Variants in RIMBP2 observed in about 807,000 individuals in gnomAD.
RIMBP2 encodes the protein RIMS-binding protein 2.
Under a neutral mutation model 118.6 loss-of-function variants are expected in RIMBP2, and 48 were observed. That is an observed-to-expected ratio of 0.40 (90% CI 0.32 to 0.51). The LOEUF is 0.51. Ranked by LOEUF, RIMBP2 falls within the 20% of genes least tolerant of loss-of-function variation. The pLI, the probability that RIMBP2 is intolerant of heterozygous loss-of-function variation, is 0.41. For synonymous variants in RIMBP2, 762 were observed against 742.9 expected, an observed-to-expected ratio of 1.03 and a Z score of -0.42; for missense variants, 1,551 against 1,768.3, an observed-to-expected ratio of 0.88 and a Z score of 2.20.
rs768011635 is a variant in RIMBP2 at position 130,414,319 on chromosome 12, G to T, written c.3239-13C>A. 5.1e-6 allele frequency: 8 copies of T among 1,569,448 alleles called. No homozygotes were observed. The highest frequency in any genetic ancestry group is 3.6e-5 in the Admixed American group (2 of 56,130). The stretch of plus-strand genomic sequence containing the variant: ...CGCCCGTAATCGTCTGCGAGCAAGT[G>T]GGGGTGAAGAACAGAGCGGCAGTGA... On this transcript the variant is annotated splice_polypyrimidine_tract_variant and intron_variant, in intron 17 of 22. Transcript: ENST00000690449.
rs2058089343 is a variant in RIMBP2 at position 130,576,452 on chromosome 12, T to C, written c.-217+51870A>G. Among the ~76,000 whole-genome samples, 1 of 152,124 alleles carries C rather than the reference T, an allele frequency of 6.6e-6. No individual in the cohort carries two copies. The highest frequency in any genetic ancestry group is 1.5e-5 in the Non-Finnish European group (1 of 68,010). On this transcript the variant is annotated intron_variant, in intron 2 of 22. Coordinates refer to ENST00000690449, the MANE Select transcript of RIMBP2 (RefSeq NM_001393629.1). This position sits in a 1 kb window ranked among gnomAD's most constrained non-coding sequence, Gnocchi z 4.2. Reference sequence around the variant, plus strand: ...GGCAGCTGGCAGGTGGCCAGCTGCATGCCGGCATCCAAGCTGTGCGGGCTA... The same window carrying C: ...GGCAGCTGGCAGGTGGCCAGCTGCACGCCGGCATCCAAGCTGTGCGGGCTA...
At chr12:130,640,782 G>T (rs2062582723) in intron 1 of RIMBP2, among the ~76,000 whole-genome samples, 4 of 152,190 alleles carry the variant, frequency 2.6e-5, no homozygotes, top group Admixed American at 2.6e-4. Flanking sequence ...GCCCCCTCCT[G>T]TGCCACCCCC....
At chr12:130,468,736 C>T (rs139383665) in intron 6 of RIMBP2, among the ~76,000 whole-genome samples, 47 of 152,250 alleles carry the variant, frequency 3.1e-4, no homozygotes, top group African/African-American at 1.1e-3. Context: ...CCGAATTAAC[C>T]GAATTCAGGG....
rs1307390722 is a variant in RIMBP2, at chr12:130,450,107, A to G, written c.581+93T>C. The G allele has an allele frequency of 6.2e-6, 5 of 802,430 alleles. No individual in the cohort carries two copies. The East Asian group carries it at 1.4e-4, about 22-fold the overall frequency. 49.7% of individuals were successfully genotyped at this position (802,430 alleles called of 1,614,324 possible). A position where few individuals can be genotyped will look rare whatever the true frequency, so the allele number is the denominator to read the frequency against. The stretch of plus-strand genomic sequence containing the variant: ...CACCTTCTCCTCGTGCCCTGGGAGA[A>G]GGGAACTTCTCAGACCCCAGAGTGT... On this transcript the variant is annotated intron_variant, in intron 9 of 22. Transcript: ENST00000690449. The surrounding 1 kb of genome is among the most constrained non-coding windows in gnomAD (Gnocchi z 4.8).
rs1160923002 is a variant in RIMBP2 at position 130,622,249 on chromosome 12, A to C, written c.-217+6073T>G. ...ACTGGAGCAGACGTGAAGCCCCCAC[A>C]AGGCTGCATAGGAGGTTCCGGGGAA... On this transcript the variant is annotated intron_variant, in intron 2 of 22. Coordinates refer to ENST00000690449, the MANE Select transcript of RIMBP2 (RefSeq NM_001393629.1). This position sits in a 1 kb window ranked among gnomAD's most constrained non-coding sequence, Gnocchi z 8.5. 6.6e-6 allele frequency among the ~76,000 whole-genome samples: 1 copy of C among 152,158 alleles called. No individual in the cohort carries two copies. Among genetic ancestry groups the C allele is most frequent in the East Asian group, 1.9e-4 (1 of 5,182 alleles).
At chr12:130,483,615 A>G (rs2082212983) in intron 4 of RIMBP2, among the ~76,000 whole-genome samples, 1 of 151,814 alleles carries the variant, frequency 6.6e-6, no homozygotes, top group Non-Finnish European at 1.5e-5. Context: ...GGAAGGCGGG[A>G]TACACAGTGC....
intron 7 of RIMBP2, 36 bp from the exon 8 acceptor site, chr12:130,451,376 T>A (rs118081608): frequency 5.7e-6 from 9 of 1,579,162 alleles, no homozygotes; most frequent in South Asian, 1.1e-5. Flanking sequence ...GAAACAAATA[T>A]GCGAATAACA....
intron 2 of RIMBP2, among the ~76,000 whole-genome samples, chr12:130,588,154 C>T (rs1201756853): frequency 2.6e-5 from 4 of 152,150 alleles, no homozygotes. Context: ...ATCTTCAAAA[C>T]CCAGCCCAAG....
At chr12:130,577,162 G>A (rs1272296294) in intron 2 of RIMBP2, among the ~76,000 whole-genome samples, 1 of 152,142 alleles carries the variant, frequency 6.6e-6, no homozygotes, top group Non-Finnish European at 1.5e-5. Flanking sequence ...CCTTGTACAT[G>A]TGCCTCAAGC....
At chr12:130,481,210 A>AGGGCGGGGGCACC (rs1289278749) in intron 4 of RIMBP2, among the ~76,000 whole-genome samples, 178 of 88,006 alleles carry the variant, frequency 2.0e-3, no homozygotes, top group East Asian at 4.6e-3. Flanking sequence ...GAGGAGGCAG[A>AGGGCGGGGGCACC]CAGGCTGATT....
rs190865641 is a variant in RIMBP2, at chr12:130,592,668, A to C, written c.-217+35654T>G. Among the ~76,000 whole-genome samples the C allele has an allele frequency of 4.3e-3, 584 of 135,826 alleles. 4 individuals carry two copies. Among genetic ancestry groups the C allele is most frequent in the Non-Finnish European group, 6.8e-3 (428 of 63,060 alleles). 89.1% of individuals were successfully genotyped at this position (135,826 alleles called of 152,430 possible). A position where few individuals can be genotyped will look rare whatever the true frequency, so the allele number is the denominator to read the frequency against. ...CGCGCCACTGCACTCCAGCCTGGGCAATAGAGACTCTGTCAAAAAAAAAAA... is the reference window on the plus strand; with the variant it reads ...CGCGCCACTGCACTCCAGCCTGGGCCATAGAGACTCTGTCAAAAAAAAAAA... On this transcript the variant is annotated intron_variant, in intron 2 of 22. Coordinates refer to ENST00000690449, the MANE Select transcript of RIMBP2 (RefSeq NM_001393629.1).
At chr12:130,415,982 A>G (rs904283045) in intron 17 of RIMBP2, among the ~76,000 whole-genome samples, 4 of 125,602 alleles carry the variant, frequency 3.2e-5, no homozygotes, top group African/African-American at 1.3e-4. Context: ...CACACACAAA[A>G]TATACAGAAT....
At chr12:130,486,912 C>T (rs889983685) in intron 4 of RIMBP2, among the ~76,000 whole-genome samples, 3 of 151,436 alleles carry the variant, frequency 2.0e-5, no homozygotes, top group South Asian at 2.1e-4. Flanking sequence ...CTTTCTGCCC[C>T]GAGACAGCTC....
chr12:130,645,360 A>G (rs898019730), intron 1 of RIMBP2, among the ~76,000 whole-genome samples: 2 of 152,190 alleles, frequency 1.3e-5, no homozygotes, highest in Admixed American at 6.6e-5. Context: ...ACCAACTTCT[A>G]TTATCCAGAG....
intron 17 of RIMBP2, among the ~76,000 whole-genome samples, chr12:130,417,710 C>A: frequency 6.6e-6 from 1 of 152,172 alleles, no homozygotes; most frequent in East Asian, 1.9e-4. Context: ...TGCACATGTA[C>A]CCCAGTGAAT....
chr12:130,716,181 G>A (rs1221843953), intron 1 of RIMBP2, 41 bp downstream of exon 1: 1 of 152,098 alleles, frequency 6.6e-6, no homozygotes, highest in African/African-American at 2.4e-5. Context: ...GAGGGGAGAC[G>A]GGAAGCTATT....
chr12:130,513,082 T>G (rs1197309219), intron 3 of RIMBP2, among the ~76,000 whole-genome samples: 2 of 152,188 alleles, frequency 1.3e-5, no homozygotes, highest in Non-Finnish European at 2.9e-5. Flanking sequence ...TCTACAACCT[T>G]TTGGGTTTCT....
At chr12:130,494,507 C>T (rs2048950676) in intron 4 of RIMBP2, among the ~76,000 whole-genome samples, 1 of 152,130 alleles carries the variant, frequency 6.6e-6, no homozygotes, top group Non-Finnish European at 1.5e-5. Flanking sequence ...GGCATGGTGG[C>T]AGGCACCTGT....
rs959158525 is a variant in RIMBP2, at chr12:130,644,607, C to T, written c.-351-16151G>A. On this transcript the variant is annotated intron_variant, in intron 1 of 22. Transcript: ENST00000690449. ...CACCTGCGTCTAAGCCCAGTGTCTGCGTATAAAGCCCAGGAATTACGGGAG... is the reference window on the plus strand; with the variant it reads ...CACCTGCGTCTAAGCCCAGTGTCTGTGTATAAAGCCCAGGAATTACGGGAG... 3.9e-5 allele frequency among the ~76,000 whole-genome samples: 6 copies of T among 152,158 alleles called. No individual in the cohort carries two copies. In the East Asian group the frequency reaches 7.7e-4, roughly 20 times the overall value.
Sources: gnomAD v4.1 joint callset for allele counts (sites outside exome capture counted in the v4.1 genomes callset) on GRCh38, gnomAD v4.1.1 for gene constraint, Gnocchi (gnomAD v3.1) non-coding constraint, MANE v1.5 for transcripts, NCBI Gene and HGNC (gene_info 2026-07-23, HGNC 2026-07-21) for gene names.